Variants in SYTL3 observed in about 807,000 individuals in gnomAD.
SYTL3 encodes synaptotagmin-like protein 3.
Under a neutral mutation model 82.1 loss-of-function variants are expected in SYTL3, and 88 were observed. That is an observed-to-expected ratio of 1.07 (90% CI 0.90 to 1.28). The LOEUF is 1.28. Among genes scored for constraint, SYTL3 ranks in the 50% most tolerant of loss-of-function variants. SYTL3 has a pLI of 0.00. For missense variants in SYTL3, 831 were observed against 757.6 expected, an observed-to-expected ratio of 1.10 and a Z score of -1.14; for synonymous variants, 311 against 289.4, an observed-to-expected ratio of 1.07 and a Z score of -0.76.
intron 6 of SYTL3, among the ~76,000 whole-genome samples, chr6:158,686,827 C>G (rs1462038825): frequency 6.6e-6 from 1 of 152,222 alleles, no homozygotes; most frequent in Non-Finnish European, 1.5e-5. Context: ...TGAGCTGATG[C>G]TGGCCAGACA....
chr6:158,718,324 G>T, intron 10 of SYTL3, 113 bp downstream of exon 10: 2 of 1,215,824 alleles, frequency 1.6e-6, no homozygotes, highest in Non-Finnish European at 2.1e-6. Flanking sequence ...TAGAAAAACA[G>T]TAAGCCATCA....
chr6:158,717,902 T>C (rs1001401742), intron 9 of SYTL3, among the ~76,000 whole-genome samples, 185 bp from the exon 10 acceptor site: 4 of 152,198 alleles, frequency 2.6e-5, no homozygotes, highest in African/African-American at 9.7e-5. Context: ...GCACACTGTC[T>C]GCTCACCTTC....
chr6:158,749,128 G>A (rs1443658827), intron 12 of SYTL3, among the ~76,000 whole-genome samples: 1 of 152,068 alleles, frequency 6.6e-6, no homozygotes, highest in Non-Finnish European at 1.5e-5. Flanking sequence ...AGGAGGCTGA[G>A]GCAGGAGAAT....
intron 12 of SYTL3, among the ~76,000 whole-genome samples, chr6:158,748,904 A>G (rs1414163047): frequency 1.3e-5 from 2 of 151,850 alleles, no homozygotes; most frequent in Non-Finnish European, 2.9e-5. Flanking sequence ...AAGAGACAAC[A>G]TGACAGCACT....
At chr6:158,713,671 A>G (rs1012249610) in intron 8 of SYTL3, 129 bp from the exon 9 acceptor site, 4 of 699,434 alleles carry the variant, frequency 5.7e-6, no homozygotes, top group Admixed American at 4.1e-5. Flanking sequence ...CTGCACCCCC[A>G]GCACCACGCC....
At chr6:158,700,748 C>T (rs553713554) in intron 6 of SYTL3, among the ~76,000 whole-genome samples, 2 of 152,312 alleles carry the variant, frequency 1.3e-5, no homozygotes, top group Admixed American at 1.3e-4. Context: ...TCCTGAGTAG[C>T]TGGGACTACA....
At chr6:158,677,748 AAAAT>A (rs141933582) in intron 5 of SYTL3, among the ~76,000 whole-genome samples, 5,798 of 151,560 alleles carry the variant, frequency 0.038, 375 homozygotes, top group African/African-American at 0.13. Flanking sequence ...TGAAATAAAA[AAAAT>A]AAAAATCCAA....
At chr6:158,667,532 C>G (rs1790221870) in intron 5 of SYTL3, among the ~76,000 whole-genome samples, 1 of 152,108 alleles carries the variant, frequency 6.6e-6, no homozygotes, top group South Asian at 2.1e-4. Context: ...TCTTTAGGAC[C>G]AAAAGAAAGA....
intron 8 of SYTL3, among the ~76,000 whole-genome samples, chr6:158,709,949 C>T (rs1166171014): frequency 2.0e-5 from 3 of 152,228 alleles, no homozygotes; most frequent in Admixed American, 6.5e-5. Context: ...GGAAGAGGAT[C>T]CCTTGAGCCC....
chr6:158,663,362 G>C lies in SYTL3; in HGVS notation c.94G>C (p.Glu32Gln). The C allele has an allele frequency of 6.2e-7, 1 of 1,613,802 alleles. No homozygotes were observed. The highest frequency in any genetic ancestry group is 2.2e-5 in the East Asian group (1 of 44,854). The change falls in exon 4 of 18, where the codon GAG (glutamate) becomes CAG (glutamine). Residue 32 changes from glutamate (E) to glutamine (Q), a missense_variant. Physicochemically the swap from Glu to Gln is conservative, Grantham distance 29. Coordinates refer to ENST00000611299, the MANE Select transcript of SYTL3 (RefSeq NM_001242394.2). The stretch of plus-strand genomic sequence containing the variant: ...CCGAGACCAGGCGGTTCAAAACACA[G>C]AGGAGGAGAGGACACGGTAGGCTGC... ...LYRDQAVQNT[E>Q]EERTRKLKTH...
chr6:158,700,464 T>C (rs1215652812), intron 6 of SYTL3, among the ~76,000 whole-genome samples: 1 of 151,930 alleles, frequency 6.6e-6, no homozygotes, highest in Admixed American at 6.6e-5. Context: ...TTGCACTTAA[T>C]TAATGTGAAT....
intron 10 of SYTL3, among the ~76,000 whole-genome samples, 177 bp from the exon 11 acceptor site, chr6:158,725,326 C>CGTGTGTGT (rs138428767): frequency 1.3e-5 from 2 of 150,570 alleles, no homozygotes; most frequent in African/African-American, 4.9e-5. Context: ...TGTGTGTGTG[C>CGTGTGTGT]GTGTGTGTGT....
At chr6:158,704,696 C>T (rs139931171) in intron 6 of SYTL3, among the ~76,000 whole-genome samples, 113 of 152,396 alleles carry the variant, frequency 7.4e-4, no homozygotes, top group African/African-American at 2.2e-3. Flanking sequence ...CTTCAGACCA[C>T]GCCATAGGGA....
intron 6 of SYTL3, among the ~76,000 whole-genome samples, chr6:158,685,647 C>T (rs541329013): frequency 5.3e-5 from 8 of 152,006 alleles, no homozygotes; most frequent in East Asian, 2.0e-4. Context: ...GGAGAAACCC[C>T]GTCTCTACTA....
In SYTL3 at chr6:158,744,402, G is replaced by T. The variant is rs191251261; in HGVS notation, c.856-1078G>T. Reference sequence around the variant, plus strand: ...ACTCACTGCAAGCTCCGCCTCCTGGGTTCACGCCATTCTCCTGCCTCAGCC... The same window carrying T: ...ACTCACTGCAAGCTCCGCCTCCTGGTTTCACGCCATTCTCCTGCCTCAGCC... On this transcript the variant is annotated intron_variant, in intron 11 of 17. Coordinates refer to ENST00000611299, the MANE Select transcript of SYTL3 (RefSeq NM_001242394.2). Among the ~76,000 whole-genome samples, 4 of 148,918 alleles carry T rather than the reference G, an allele frequency of 2.7e-5. No individual in the cohort carries two copies. The East Asian group carries it at 7.8e-4, about 29-fold the overall frequency.
chr6:158,692,347 A>G (rs1392497254), intron 6 of SYTL3, among the ~76,000 whole-genome samples: 1 of 150,602 alleles, frequency 6.6e-6, no homozygotes, highest in Non-Finnish European at 1.5e-5. Context: ...TGTATTTCTA[A>G]TAGTTAGGGA....
chr6:158,728,799 G>A (rs1785046675), intron 11 of SYTL3, among the ~76,000 whole-genome samples: 1 of 152,178 alleles, frequency 6.6e-6, no homozygotes, highest in African/African-American at 2.4e-5. Context: ...AATTAGCCGG[G>A]CGCGGTGGCG....
chr6:158,682,447 C>T (rs112291355), intron 5 of SYTL3, among the ~76,000 whole-genome samples: 9,515 of 149,340 alleles, frequency 0.064, 385 homozygotes, highest in Middle Eastern at 0.11. Context: ...GCAAGCTCCA[C>T]CTCCCGGGTT....
At chr6:158,672,525 A>G (rs187676639) in intron 5 of SYTL3, among the ~76,000 whole-genome samples, 2 of 143,444 alleles carry the variant, frequency 1.4e-5, no homozygotes, top group Admixed American at 7.0e-5. Context: ...CCTGATTTTT[A>G]TGTAGAAGAA....
Sources: allele counts gnomAD v4.1 joint callset (sites outside exome capture counted in the v4.1 genomes callset), GRCh38; gene constraint gnomAD v4.1.1; transcripts MANE v1.5; gene names NCBI Gene and HGNC (gene_info 2026-07-23, HGNC 2026-07-21).